The following CENPK variants were observed in gnomAD, a reference collection of about 807,000 sequenced individuals.
CENPK encodes the protein SoxLZ/Sox6-binding protein Solt.
Under a neutral mutation model 40.9 loss-of-function variants are expected in CENPK, and 46 were observed. The observed-to-expected ratio is 1.13, with a 90% CI of 0.89 to 1.44. CENPK has a LOEUF of 1.44. CENPK is among the 40% of genes most tolerant of loss of function. CENPK has a pLI of 0.00. For synonymous variants in CENPK, 107 were observed against 104.4 expected, an observed-to-expected ratio of 1.02 and a Z score of -0.15; for missense variants, 288 against 303.5, an observed-to-expected ratio of 0.95 and a Z score of 0.38.
chr5:65,508,434 TATAAC>T, the CENPK span, among the ~76,000 whole-genome samples: 1 of 152,220 alleles, frequency 6.6e-6, no homozygotes, highest in Non-Finnish European at 1.5e-5. Context: ...ACTATCTCCT[TATAAC>T]ATATCCGATA....
At chr5:65,547,837 T>C (rs903650683) in intron 5 of CENPK, among the ~76,000 whole-genome samples, 8 of 152,106 alleles carry the variant, frequency 5.3e-5, no homozygotes, top group African/African-American at 1.9e-4. Flanking sequence ...GCAAATTTTT[T>C]ATATTTTTAG....
chr5:65,519,694 TATA>T (rs1247641828), intron 10 of CENPK, among the ~76,000 whole-genome samples: 7 of 152,248 alleles, frequency 4.6e-5, no homozygotes, highest in South Asian at 2.1e-4. Context: ...AATTAAATTT[TATA>T]ATAATACCTT....
the CENPK span, among the ~76,000 whole-genome samples, chr5:65,502,668 A>G: frequency 6.6e-6 from 1 of 151,762 alleles, no homozygotes; most frequent in Non-Finnish European, 1.5e-5. Flanking sequence ...TAGAGGCTAG[A>G]GTGCAGTGGT....
chr5:65,529,932 GT>G (rs1745469614), intron 6 of CENPK: 1 of 152,666 alleles, frequency 6.6e-6, no homozygotes. Context: ...AGCCTCCCGA[GT>G]AGCTGGGAAT....
chr5:65,561,395 C>G, intron 2 of CENPK, 68 bp downstream of exon 2: 1 of 361,628 alleles, frequency 2.8e-6, no homozygotes, highest in South Asian at 2.0e-5. Context: ...AACAAATTAT[C>G]TGGCTTGGCG....
intron 2 of CENPK, among the ~76,000 whole-genome samples, chr5:65,559,425 C>T (rs1239864582): frequency 3.3e-5 from 5 of 151,724 alleles, no homozygotes; most frequent in Non-Finnish European, 5.9e-5. Flanking sequence ...GTCAGGAGAT[C>T]GAGACCATCC....
the CENPK span, among the ~76,000 whole-genome samples, chr5:65,497,701 A>G: frequency 7.9e-5 from 12 of 152,276 alleles, no homozygotes; most frequent in Admixed American, 2.6e-4. Flanking sequence ...GTAAATATAA[A>G]TGAACGAAAT....
At chr5:65,551,425 A>G (rs544239039) in intron 5 of CENPK, 139 bp downstream of exon 5, 1 of 550,198 alleles carries the variant, frequency 1.8e-6, no homozygotes, top group Non-Finnish European at 3.3e-6. Flanking sequence ...TTCACAGAAA[A>G]AAAGTGGCTT....
downstream of CENPK, among the ~76,000 whole-genome samples, chr5:65,514,272 AGTTT>A (rs1742710177): frequency 2.5e-5 from 1 of 40,422 alleles, no homozygotes; most frequent in Admixed American, 2.6e-4. Flanking sequence ...AGTTTTTTTT[AGTTT>A]TTTTTGAGAC....
chr5:65,521,788 A>G (rs1580882501), intron 9 of CENPK, among the ~76,000 whole-genome samples: 3 of 152,152 alleles, frequency 2.0e-5, no homozygotes, highest in Admixed American at 1.3e-4. Flanking sequence ...TTTAGTAGAT[A>G]TGAGGTTTCA....
At chr5:65,535,073 C>T (rs889003559) in intron 6 of CENPK, among the ~76,000 whole-genome samples, 2 of 152,102 alleles carry the variant, frequency 1.3e-5, no homozygotes, top group South Asian at 4.1e-4. Flanking sequence ...AAAACTTAGC[C>T]AGACATGGTG....
intron 6 of CENPK, among the ~76,000 whole-genome samples, chr5:65,531,824 A>AG (rs1357573613): frequency 6.6e-6 from 1 of 152,180 alleles, no homozygotes; most frequent in African/African-American, 2.4e-5. Flanking sequence ...TTAAAAGAAA[A>AG]GAAAGCTCTC....
chr5:65,547,264 G>T (rs1009912791), intron 5 of CENPK, among the ~76,000 whole-genome samples: 3 of 151,856 alleles, frequency 2.0e-5, no homozygotes, highest in Non-Finnish European at 4.4e-5. Flanking sequence ...ATGATGGCAG[G>T]CACCTGTAAT....
At chr5:65,513,515 A>AT (rs1742654705), downstream of CENPK, among the ~76,000 whole-genome samples, 1 of 152,084 alleles carries the variant, frequency 6.6e-6, no homozygotes, top group Non-Finnish European at 1.5e-5. Context: ...TACAAAGTTA[A>AT]TTTTGTTTCC....
intron 10 of CENPK, 31 bp from the exon 11 acceptor site, chr5:65,518,664 T>C (rs1395934051): frequency 1.4e-6 from 2 of 1,467,144 alleles, no homozygotes; most frequent in East Asian, 2.3e-5. Flanking sequence ...AAATATACTT[T>C]ACTTGGGAAA....
At chr5:65,536,520 T>C (rs1746918858) in intron 6 of CENPK, among the ~76,000 whole-genome samples, 1 of 152,032 alleles carries the variant, frequency 6.6e-6, no homozygotes, top group Non-Finnish European at 1.5e-5. Flanking sequence ...CCTAGCTACT[T>C]GGGAAGCTAA....
the CENPK span, among the ~76,000 whole-genome samples, chr5:65,509,910 G>A: frequency 6.6e-6 from 1 of 152,098 alleles, no homozygotes; most frequent in Non-Finnish European, 1.5e-5. Flanking sequence ...GTAATTGTTT[G>A]GAGGAATCAA....
At chr5:65,547,055 T>C (rs922928117) in intron 5 of CENPK, among the ~76,000 whole-genome samples, 1 of 152,154 alleles carries the variant, frequency 6.6e-6, no homozygotes, top group African/African-American at 2.4e-5. Flanking sequence ...GAAGAAGATA[T>C]AATGCTGGTA....
At chr5:65,497,877 CAAAT>C in the CENPK span, among the ~76,000 whole-genome samples, 21 of 151,860 alleles carry the variant, frequency 1.4e-4, no homozygotes, top group Non-Finnish European at 2.4e-4. Context: ...TTCAAACAAA[CAAAT>C]AAATAAATAA....
Sources: gnomAD v4.1 joint callset for allele counts (sites outside exome capture counted in the v4.1 genomes callset) on GRCh38, gnomAD v4.1.1 for gene constraint, MANE v1.5 for transcripts, NCBI Gene and HGNC (gene_info 2026-07-23, HGNC 2026-07-21) for gene names.